The following TSC2 variants were observed in gnomAD, a reference collection of about 807,000 sequenced individuals.
TSC2 encodes the protein tuberin.
A neutral mutation model predicts 202.2 loss-of-function variants in TSC2; 29 were observed. The ratio of observed to expected loss-of-function variants is 0.14; its 90% CI spans 0.11 to 0.20. The LOEUF is 0.20. TSC2 is among the 10% of genes least tolerant of loss of function. The pLI is 1.00. For synonymous variants in TSC2, 1,349 were observed against 1,044.0 expected (o/e 1.29, Z -5.63); for missense variants, 2,429 against 2,420.0 (o/e 1.00, Z -0.08).
At chr16:2,071,729 C>G (rs561585017) in intron 18 of TSC2, 55 bp from the exon 19 acceptor site, 1 of 1,595,954 alleles carries the variant, frequency 6.3e-7, no homozygotes, top group Non-Finnish European at 8.5e-7. Flanking sequence ...AGAGCCAAGT[C>G]TGTTCCGTTC....
chr16:2,054,599 G>A (rs892367338), intron 5 of TSC2, 159 bp downstream of exon 5: 82 of 1,094,678 alleles, frequency 7.5e-5, no homozygotes, highest in African/African-American at 7.7e-5. Flanking sequence ...CTGCGTGGCC[G>A]GAGTGCCCCT....
At chr16:2,050,756 TTTTTG>T (rs1297859049) in intron 3 of TSC2, among the ~76,000 whole-genome samples, 1 of 151,730 alleles carries the variant, frequency 6.6e-6, no homozygotes, top group Admixed American at 6.6e-5. Context: ...CACACCCGGC[TTTTTG>T]TATTTTTAGT....
intron 9 of TSC2, among the ~76,000 whole-genome samples, chr16:2,057,383 C>T (rs568344908): frequency 2.3e-4 from 35 of 152,302 alleles, no homozygotes; most frequent in African/African-American, 8.2e-4. Flanking sequence ...ACAGAATATC[C>T]ACACCCAGCT....
chr16:2,058,631 C>A (rs906088028), intron 9 of TSC2, 116 bp from the exon 10 acceptor site: 40 of 1,478,732 alleles, frequency 2.7e-5, no homozygotes, highest in Non-Finnish European at 3.4e-5. Flanking sequence ...CTCCTGCCCC[C>A]CCCAAGCACA....
intron 30 of TSC2, 176 bp downstream of exon 30, chr16:2,080,553 G>C (rs1178993277): frequency 9.7e-6 from 7 of 719,264 alleles, no homozygotes; most frequent in South Asian, 1.9e-5. Context: ...GCGCAATCTC[G>C]GCTCACTGCA....
chr16:2,071,461 T>C, intron 17 of TSC2, 49 bp from the exon 18 acceptor site: 4 of 1,606,986 alleles, frequency 2.5e-6, no homozygotes, highest in Non-Finnish European at 3.4e-6. Flanking sequence ...CCGCCTGTCC[T>C]GGGCCTGCAC....
intron 16 of TSC2, among the ~76,000 whole-genome samples, chr16:2,069,951 G>T (rs1226274008): frequency 6.6e-6 from 1 of 152,152 alleles, no homozygotes; most frequent in African/African-American, 2.4e-5. Context: ...TCATTTAAAG[G>T]TGTTAATCAT....
Position 2,054,363 on chromosome 16 carries a change from A to G in TSC2, c.404A>G (p.Asp135Gly), listed in dbSNP as rs2085506301. 1 of 1,614,198 alleles carries G rather than the reference A, an allele frequency of 6.2e-7. No homozygotes were observed. Among genetic ancestry groups the G allele is most frequent in the Non-Finnish European group, 8.5e-7 (1 of 1,180,032 alleles). ...KVIKDYPSNE[D>G]LHERLEVFKA... ...ATCAAGGATTACCCTTCCAACGAAG[A>G]CCTTCACGAAAGGCTGGAGGTTTTC... The change falls in exon 5 of 42, where the codon GAC becomes GGC. Residue 135 changes from aspartate (D) to glycine (G), a missense_variant. By Grantham distance (94) the Asp-to-Gly change is moderately conservative. Transcript: ENST00000219476.
intron 32 of TSC2, 51 bp from the exon 33 acceptor site, chr16:2,083,644 C>T (rs45505099): frequency 1.3e-6 from 2 of 1,554,306 alleles, no homozygotes. Context: ...CACGTCAGGG[C>T]CAGGGCCTGG....
chr16:2,059,794 T>C (rs1457282044), intron 10 of TSC2, among the ~76,000 whole-genome samples: 4 of 152,132 alleles, frequency 2.6e-5, no homozygotes, highest in East Asian at 1.9e-4. Flanking sequence ...GCTGGAATTA[T>C]AGGTATGAGT....
chr16:2,083,136 T>C (rs2090338819), intron 32 of TSC2: 1 of 456,116 alleles, frequency 2.2e-6, no homozygotes, highest in Non-Finnish European at 4.4e-6. Flanking sequence ...TGGTCCCCTC[T>C]GTTGCTGCTT....
chr16:2,048,313 C>T (rs1026653418), intron 1 of TSC2: 1 of 1,021,650 alleles, frequency 9.8e-7, no homozygotes, highest in Non-Finnish European at 1.5e-6. Context: ...CCCAGGACTT[C>T]GCGGCGGCAG....
chr16:2,052,026 T>C (rs544598136), intron 3 of TSC2, among the ~76,000 whole-genome samples: 2 of 152,182 alleles, frequency 1.3e-5, no homozygotes, highest in African/African-American at 2.4e-5. Context: ...GATTGTGCCA[T>C]TGCACTGCAG....
At chr16:2,062,899 G>A (rs549647531) in intron 13 of TSC2, 73 bp from the exon 14 acceptor site, 20 of 1,509,824 alleles carry the variant, frequency 1.3e-5, no homozygotes, top group African/African-American at 1.1e-4. Context: ...GCTGGCCTGC[G>A]CCAGGCAGAC....
chr16:2,067,204 G>C (rs1273358607), intron 16 of TSC2, among the ~76,000 whole-genome samples: 1 of 151,872 alleles, frequency 6.6e-6, no homozygotes, highest in Admixed American at 6.6e-5. Flanking sequence ...TGTCGCCCAG[G>C]CTGGGGTGCA....
At chr16:2,072,536 GC>G in intron 20 of TSC2, 173 bp downstream of exon 20, 3 of 1,040,560 alleles carry the variant, frequency 2.9e-6, no homozygotes, top group Admixed American at 2.7e-5. Flanking sequence ...AGGGACCCCT[GC>G]CCCAGCTCGC....
At chr16:2,059,636 C>T (rs1276593584) in intron 10 of TSC2, among the ~76,000 whole-genome samples, 1 of 151,670 alleles carries the variant, frequency 6.6e-6, no homozygotes, top group African/African-American at 2.4e-5. Context: ...TCTCCTGCCT[C>T]AGCCTCCTGA....
intron 37 of TSC2, 91 bp from the exon 38 acceptor site, chr16:2,086,641 G>C (rs1287087575): frequency 6.3e-7 from 1 of 1,578,648 alleles, no homozygotes; most frequent in African/African-American, 1.3e-5. Context: ...GGCCCCCAGA[G>C]CCCCTGGAGT....
intron 29 of TSC2, 87 bp from the exon 30 acceptor site, chr16:2,080,078 G>A: frequency 6.4e-7 from 1 of 1,566,658 alleles, no homozygotes; most frequent in Non-Finnish European, 8.8e-7. Flanking sequence ...GCACTAGCTT[G>A]CCAGGCTCGG....
Sources: gnomAD v4.1 joint callset for allele counts (sites outside exome capture counted in the v4.1 genomes callset) on GRCh38, gnomAD v4.1.1 for gene constraint, MANE v1.5 for transcripts, NCBI Gene and HGNC (gene_info 2026-07-23, HGNC 2026-07-21) for gene names.